The following COLEC12 variants were observed in gnomAD, a reference collection of about 807,000 sequenced individuals.
COLEC12 encodes the protein collectin-12.
A neutral mutation model predicts 71.1 loss-of-function variants in COLEC12; 33 were observed. That is an observed-to-expected ratio of 0.46 (90% CI 0.35 to 0.62). The LOEUF is 0.62. COLEC12 is among the 20% of genes least tolerant of loss of function. The pLI is 0.00. For missense variants in COLEC12, 765 were observed against 916.1 expected (o/e 0.84, Z 2.13); for synonymous variants, 350 against 353.0 (o/e 0.99, Z 0.10).
intron 3 of COLEC12, among the ~76,000 whole-genome samples, chr18:350,520 G>A (rs1914490566): frequency 1.3e-5 from 2 of 152,146 alleles, no homozygotes; most frequent in South Asian, 4.1e-4. Context: ...TCAAGTACAC[G>A]TTTCTAAAAT....
At chr18:427,390 A>C (rs1916218312) in intron 2 of COLEC12, among the ~76,000 whole-genome samples, 2 of 152,170 alleles carry the variant, frequency 1.3e-5, no homozygotes, top group African/African-American at 2.4e-5. Flanking sequence ...GTAGGGAGAG[A>C]AATCCTCATT....
intron 2 of COLEC12, among the ~76,000 whole-genome samples, chr18:417,049 C>A (rs577206533): frequency 1.1e-3 from 166 of 151,852 alleles, no homozygotes; most frequent in Non-Finnish European, 2.1e-3. Context: ...CAGACACACA[C>A]ACACACACAC....
intron 2 of COLEC12, among the ~76,000 whole-genome samples, chr18:421,579 A>G (rs16944284): frequency 0.11 from 16,002 of 152,166 alleles, 1,244 homozygotes; most frequent in East Asian, 0.33. Flanking sequence ...TTGTGCCTTT[A>G]ATTTAGAAAG....
intron 2 of COLEC12, among the ~76,000 whole-genome samples, chr18:458,008 C>A (rs2143727904): frequency 6.6e-6 from 1 of 152,320 alleles, no homozygotes; most frequent in East Asian, 1.9e-4. Context: ...TCGCCAGAAG[C>A]ACTGCATTTT....
intron 1 of COLEC12, among the ~76,000 whole-genome samples, chr18:481,067 T>C (rs1451598220): frequency 2.0e-5 from 3 of 152,170 alleles, no homozygotes; most frequent in Non-Finnish European, 4.4e-5. Flanking sequence ...TCAATGTTTC[T>C]CTCTGATATC....
chr18:346,261 C>G lies in COLEC12; in HGVS notation c.1327+34G>C, dbSNP rs777512860. 5 of 1,469,866 alleles carry G rather than the reference C, an allele frequency of 3.4e-6. No individual in the cohort carries two copies. The highest frequency in any genetic ancestry group is 1.2e-5 in the South Asian group (1 of 80,308). 91.1% of individuals were successfully genotyped at this position (1,469,866 alleles called of 1,614,324 possible). ...TAACTTGTTATGCAGCAATAAACAA[C>G]TAATACAAATACAAATTCAGAATTT... On this transcript the variant is annotated intron_variant, in intron 5 of 9. Coordinates refer to ENST00000400256, the MANE Select transcript of COLEC12 (RefSeq NM_130386.3). This position sits in a 1 kb window ranked among gnomAD's most constrained non-coding sequence, Gnocchi z 4.0.
chr18:368,489 G>A (rs147585274), intron 2 of COLEC12, among the ~76,000 whole-genome samples: 17 of 152,234 alleles, frequency 1.1e-4, no homozygotes, highest in African/African-American at 4.1e-4. Context: ...CAGAAGAATC[G>A]CTCGATCCTG....
At position 342,903 on chromosome 18, in the gene COLEC12, C is replaced by T. The variant is rs76137979; in HGVS notation, c.1327+3392G>A. On this transcript the variant is annotated intron_variant, in intron 5 of 9. Coordinates refer to ENST00000400256, the MANE Select transcript of COLEC12 (RefSeq NM_130386.3). The stretch of plus-strand genomic sequence containing the variant: ...TTATCACATATGCTTTTCCATGAGT[C>T]GGAAACCTCATTCTATTATAATAGA... Among the ~76,000 whole-genome samples, 117 of 152,266 alleles carry T rather than the reference C, an allele frequency of 7.7e-4. 3 individuals carry two copies. The East Asian group carries it at 0.021, about 28-fold the overall frequency.
chr18:432,582 C>T (rs1034117827), intron 2 of COLEC12, among the ~76,000 whole-genome samples: 6 of 152,142 alleles, frequency 3.9e-5, no homozygotes, highest in African/African-American at 1.4e-4. Flanking sequence ...TTTGCTTATA[C>T]GTGATTTCTT....
chr18:447,225 C>T (rs1037142743), intron 2 of COLEC12, among the ~76,000 whole-genome samples: 1 of 152,240 alleles, frequency 6.6e-6, no homozygotes, highest in Admixed American at 6.5e-5. Context: ...CAGTAAACTC[C>T]CTTTTCTACA....
At chr18:379,628 GT>G (rs575207939) in intron 2 of COLEC12, among the ~76,000 whole-genome samples, 52 of 152,242 alleles carry the variant, frequency 3.4e-4, no homozygotes, top group Middle Eastern at 3.4e-3. Flanking sequence ...TATAAAAACT[GT>G]TTCTATTGTT....
At chr18:369,741 C>T (rs1015414969) in intron 2 of COLEC12, among the ~76,000 whole-genome samples, 3 of 152,162 alleles carry the variant, frequency 2.0e-5, no homozygotes, top group African/African-American at 7.2e-5. Flanking sequence ...TCAATTCCCA[C>T]ATGTCTGTTA....
chr18:331,746 T>C lies in COLEC12; in HGVS notation c.1985A>G (p.Glu662Gly). 6.2e-7 allele frequency: 1 copy of C among 1,613,900 alleles called. No individual in the cohort carries two copies. The highest frequency in any genetic ancestry group is 1.1e-5 in the South Asian group (1 of 91,076). ...QWIKKQMVGRESHWIGLTDSE... is the reference protein window; with the variant it reads ...QWIKKQMVGRGSHWIGLTDSE... The stretch of plus-strand genomic sequence containing the variant: ...GTCTGTGAGGCCGATCCAGTGGCTC[T>C]CTCTCCCTACCATCTGTTTTTTTAT... Residue 662 changes from glutamate (E) to glycine (G), a missense_variant, in exon 8 of 10, where the codon GAG (glutamate) becomes GGG (glycine). Coordinates refer to ENST00000400256, the MANE Select transcript of COLEC12 (RefSeq NM_130386.3).
chr18:371,739 T>C (rs976695702), intron 2 of COLEC12, among the ~76,000 whole-genome samples: 2 of 152,172 alleles, frequency 1.3e-5, no homozygotes, highest in Non-Finnish European at 1.5e-5. Flanking sequence ...AGCGGGTAAC[T>C]TGTGTCCTGA....
chr18:442,690 A>G (rs561359815), intron 2 of COLEC12, among the ~76,000 whole-genome samples: 5 of 152,358 alleles, frequency 3.3e-5, no homozygotes, highest in South Asian at 2.1e-4. Flanking sequence ...AGCCGGGCGC[A>G]GTGGCTCACG....
At chr18:372,234 A>G (rs1439010809) in intron 2 of COLEC12, among the ~76,000 whole-genome samples, 1 of 152,194 alleles carries the variant, frequency 6.6e-6, no homozygotes, top group African/African-American at 2.4e-5. Flanking sequence ...AATAGATTGA[A>G]AAGACCAAAC....
intron 2 of COLEC12, among the ~76,000 whole-genome samples, chr18:436,471 T>C (rs1381688263): frequency 6.8e-5 from 8 of 116,980 alleles, no homozygotes; most frequent in South Asian, 6.0e-4. Flanking sequence ...GCAGAGATCA[T>C]GCCATTGCAC....
At chr18:385,924 A>G (rs543420183) in intron 2 of COLEC12, among the ~76,000 whole-genome samples, 2 of 152,320 alleles carry the variant, frequency 1.3e-5, no homozygotes, top group Admixed American at 1.3e-4. Flanking sequence ...GGGAGATGTG[A>G]TTTAATCTAC....
chr18:415,633 T>G (rs1385712269), intron 2 of COLEC12, among the ~76,000 whole-genome samples: 4 of 151,866 alleles, frequency 2.6e-5, no homozygotes, highest in Non-Finnish European at 5.9e-5. Flanking sequence ...TTGCCCCTCT[T>G]GTCATCTACA....
Sources: allele counts gnomAD v4.1 joint callset (sites outside exome capture counted in the v4.1 genomes callset), GRCh38; gene constraint gnomAD v4.1.1; non-coding constraint Gnocchi (gnomAD v3.1); transcripts MANE v1.5; gene names NCBI Gene and HGNC (gene_info 2026-07-23, HGNC 2026-07-21).